The following CTDNEP1 variants were observed in gnomAD, a reference collection of about 807,000 sequenced individuals.
CTDNEP1 encodes the protein C-terminal domain nuclear envelope phosphatase 1.
Under a neutral mutation model 30.1 loss-of-function variants are expected in CTDNEP1, and 3 were observed. That is an observed-to-expected ratio of 0.10 (90% CI 0.05 to 0.26). The LOEUF is 0.26. Ranked by LOEUF, CTDNEP1 falls within the 10% of genes least tolerant of loss-of-function variation. CTDNEP1 has a pLI of 1.00. For synonymous variants in CTDNEP1, 123 were observed against 118.8 expected (o/e 1.04, Z -0.23); for missense variants, 158 against 310.4 (o/e 0.51, Z 3.69).
In CTDNEP1 at chr17:7,246,108, G is replaced by A. The variant is rs778814954; in HGVS notation, c.507C>T (p.Ile169=). ...CACTGTGGACCACAGAGAGGTCCTT[G>A]ATGTAGCTGCCCAACTCCAAAGTGC... ...QHCTLELGSY[I]KDLSVVHSDL... is the part of the protein sequence containing the mutation. Residue 169 remains isoleucine (I), a synonymous_variant, in exon 6 of 8, where the codon ATC becomes ATT. Transcript: ENST00000574322. The surrounding 1 kb of genome is among the most constrained non-coding windows in gnomAD (Gnocchi z 4.9). The A allele has an allele frequency of 1.2e-6, 2 of 1,614,006 alleles. No homozygotes were observed. Among genetic ancestry groups the A allele is most frequent in the Non-Finnish European group, 1.7e-6 (2 of 1,179,926 alleles).
chr17:7,248,493 G>A (rs970502096), intron 1 of CTDNEP1, among the ~76,000 whole-genome samples: 3 of 150,630 alleles, frequency 2.0e-5, no homozygotes, highest in African/African-American at 7.3e-5. Context: ...CTAAGCAGCT[G>A]GGACTATAGG....
rs759009701 is a variant in CTDNEP1, at chr17:7,244,223, C to T, written c.697G>A (p.Val233Met). Residue 233 changes from valine (V) to methionine (M), a missense_variant, in exon 8 of 8, where the codon GTG becomes ATG. Val to Met is a conservative substitution (Grantham distance 21, BLOSUM62 1). Around this residue, in one of 2 missense-constraint regions of CTDNEP1, gnomAD observed 96 missense variants for 229.1 expected, o/e 0.42. Transcript: ENST00000574322. The stretch of plus-strand genomic sequence containing the variant: ...TGTTGGTGAAGGTTTCGGCTCAGCA[C>T]GGAACGAACATCAGCGGTGAACCTG... The part of the protein sequence containing the change: ...ALRFTADVRS[V>M]LSRNLHQHRL... The T allele has an allele frequency of 2.5e-6, 4 of 1,613,966 alleles. No homozygotes were observed. The African/African-American group carries it at 4.0e-5, about 16-fold the overall frequency.
In CTDNEP1 at chr17:7,246,272, C is replaced by T. The variant is rs764896543; in HGVS notation, c.459G>A (p.Lys153=). ...AGCTTACCTGTCTGTAATATCTCCT[C>T]TTAAGAATGCTTCTGCTATTGTCCA... ...DKLDNSRSIL[K]RRYYRQHCTL... The change falls in exon 5 of 8, where the codon AAG becomes AAA. Residue 153 remains lysine, a synonymous_variant. Coordinates refer to ENST00000574322, the MANE Select transcript of CTDNEP1 (RefSeq NM_001143775.2). The surrounding 1 kb of genome is among the most constrained non-coding windows in gnomAD (Gnocchi z 4.9). 1.2e-6 allele frequency: 2 copies of T among 1,613,360 alleles called. No homozygotes were observed. Among genetic ancestry groups the T allele is most frequent in the Non-Finnish European group, 1.7e-6 (2 of 1,179,298 alleles).
Position 7,251,536 on chromosome 17 carries a change from G to A in CTDNEP1, c.-240C>T, listed in dbSNP as rs1207788847. Reference sequence around the variant, plus strand: ...GCGGGGGCCCACATGGGCTGGGAGTGGCACCGACGGCTTCGGGGAGGTTGC... The same window carrying A: ...GCGGGGGCCCACATGGGCTGGGAGTAGCACCGACGGCTTCGGGGAGGTTGC... On this transcript the variant is annotated 5_prime_UTR_variant, in exon 1 of 8. Transcript: ENST00000574322. 4 of 349,386 alleles carry A rather than the reference G, an allele frequency of 1.1e-5. No homozygotes were observed. In the Admixed American group the frequency reaches 1.5e-4, roughly 13 times the overall value. 21.6% of individuals were successfully genotyped at this position (349,386 alleles called of 1,614,324 possible).
intron 1 of CTDNEP1, among the ~76,000 whole-genome samples, chr17:7,248,132 G>A (rs1176833914): frequency 1.3e-5 from 2 of 150,736 alleles, no homozygotes; most frequent in Non-Finnish European, 3.0e-5. Context: ...GTGGTGGTGC[G>A]TGCCCATAGC....
At chr17:7,245,895 T>C in intron 6 of CTDNEP1, 131 bp downstream of exon 6, 1 of 623,476 alleles carries the variant, frequency 1.6e-6, no homozygotes, top group East Asian at 2.7e-5. Flanking sequence ...ATAACTTGCA[T>C]TTCGACTTAC....
rs748735117 is a variant in CTDNEP1, at chr17:7,247,194, T to C, written c.170-12A>G. Reference sequence around the variant, plus strand: ...CCTCTTCACCTGGGCTGAACCAGAGTGGGGAGGAATAATATTGACCGACCT... The same window carrying C: ...CCTCTTCACCTGGGCTGAACCAGAGCGGGGAGGAATAATATTGACCGACCT... On this transcript the variant is annotated splice_polypyrimidine_tract_variant and intron_variant, in intron 2 of 7. Coordinates refer to ENST00000574322, the MANE Select transcript of CTDNEP1 (RefSeq NM_001143775.2). 6 of 1,611,438 alleles carry C rather than the reference T, an allele frequency of 3.7e-6. No individual in the cohort carries two copies. The East Asian group carries it at 1.1e-4, about 30-fold the overall frequency.
intron 6 of CTDNEP1, among the ~76,000 whole-genome samples, chr17:7,245,030 C>T (rs959903678): frequency 6.6e-6 from 1 of 152,156 alleles, no homozygotes; most frequent in Non-Finnish European, 1.5e-5. Context: ...CAGTGGCTTA[C>T]GCCTGTAATC....
Position 7,243,932 on chromosome 17 carries a change from G to A in CTDNEP1, c.*253C>T. 1 of 1,348,050 alleles carries A rather than the reference G, an allele frequency of 7.4e-7. No homozygotes were observed. 83.5% of individuals were successfully genotyped at this position (1,348,050 alleles called of 1,614,324 possible). A position where few individuals can be genotyped will look rare whatever the true frequency, so the allele number is the denominator to read the frequency against. ...ACAAACACTGATTCGGCTCTCCTAGGCTTCCGCCTGTGTCCCAGTCTGGGG... is the reference window on the plus strand; with the variant it reads ...ACAAACACTGATTCGGCTCTCCTAGACTTCCGCCTGTGTCCCAGTCTGGGG... On this transcript the variant is annotated 3_prime_UTR_variant, in exon 8 of 8. Transcript: ENST00000574322.
chr17:7,246,550 T>C lies in CTDNEP1; in HGVS notation c.361-180A>G. The C allele has an allele frequency of 1.6e-6, 1 of 638,672 alleles. No individual in the cohort carries two copies. Among genetic ancestry groups the C allele is most frequent in the Admixed American group, 2.8e-5 (1 of 35,556 alleles). 39.6% of individuals were successfully genotyped at this position (638,672 alleles called of 1,614,324 possible). On this transcript the variant is annotated intron_variant, in intron 4 of 7. Coordinates refer to ENST00000574322, the MANE Select transcript of CTDNEP1 (RefSeq NM_001143775.2). The surrounding 1 kb of genome is among the most constrained non-coding windows in gnomAD (Gnocchi z 4.9). The stretch of plus-strand genomic sequence containing the variant: ...CCTCCAAACTCAGTGTTAGGCATCC[T>C]ACACTCTTATGATTCAGAAATGCAA...
At position 7,251,319 on chromosome 17, in the gene CTDNEP1, G is replaced by A. The variant is rs1293382964; in HGVS notation, c.-23C>T. 1 of 1,475,804 alleles carries A rather than the reference G, an allele frequency of 6.8e-7. No individual in the cohort carries two copies. The highest frequency in any genetic ancestry group is 1.3e-5 in the South Asian group (1 of 74,102). The allele number at this position is 1,475,804 out of a possible 1,614,324, so 91.4% of individuals were successfully genotyped here. A position where few individuals can be genotyped will look rare whatever the true frequency, so the allele number is the denominator to read the frequency against. On this transcript the variant is annotated 5_prime_UTR_variant, in exon 1 of 8. Transcript: ENST00000574322. ...CATCCCGATGACCCCGGCACCGCCG[G>A]CCCCGGGGCCCCCGCGGCCCAGCTC...
chr17:7,250,510 G>A (rs2071901385), intron 1 of CTDNEP1, among the ~76,000 whole-genome samples: 1 of 152,280 alleles, frequency 6.6e-6, no homozygotes, highest in South Asian at 2.1e-4. Context: ...TCCTCTGACA[G>A]GGACACCCAA....
Position 7,246,292 on chromosome 17 carries a change from T to C in CTDNEP1, c.439A>G (p.Asn147Asp), listed in dbSNP as rs1779215345. The stretch of plus-strand genomic sequence containing the variant: ...CTCCTCTTAAGAATGCTTCTGCTAT[T>C]GTCCAGTTTATCTGCCACAGCAGAG... ...YGSAVADKLD[N>D]SRSILKRRYY... is the part of the protein sequence containing the mutation. The change falls in exon 5 of 8, where the codon AAT becomes GAT. Residue 147 changes from asparagine to aspartate, a missense_variant. Around this residue, in one of 2 missense-constraint regions of CTDNEP1, gnomAD observed 96 missense variants for 229.1 expected, o/e 0.42. Transcript: ENST00000574322. The surrounding 1 kb of genome is among the most constrained non-coding windows in gnomAD (Gnocchi z 4.9). 6.2e-7 allele frequency: 1 copy of C among 1,613,714 alleles called. No homozygotes were observed. Among genetic ancestry groups the C allele is most frequent in the Non-Finnish European group, 8.5e-7 (1 of 1,179,726 alleles).
chr17:7,246,426 A>G lies in CTDNEP1; in HGVS notation c.361-56T>C. Reference sequence around the variant, plus strand: ...ATACAAGGTGATGATTCCTTTAGACATACAGTTATCTTTCAGAAAGGCAAT... The same window carrying G: ...ATACAAGGTGATGATTCCTTTAGACGTACAGTTATCTTTCAGAAAGGCAAT... On this transcript the variant is annotated intron_variant, in intron 4 of 7. Coordinates refer to ENST00000574322, the MANE Select transcript of CTDNEP1 (RefSeq NM_001143775.2). The surrounding 1 kb of genome is among the most constrained non-coding windows in gnomAD (Gnocchi z 4.9). 2 of 1,264,664 alleles carry G rather than the reference A, an allele frequency of 1.6e-6. No homozygotes were observed. The highest frequency in any genetic ancestry group is 1.7e-5 in the Admixed American group (1 of 58,728). The allele number at this position is 1,264,664 out of a possible 1,614,324, so 78.3% of individuals were successfully genotyped here. A position where few individuals can be genotyped will look rare whatever the true frequency, so the allele number is the denominator to read the frequency against.
Position 7,244,685 on chromosome 17 carries a change from G to A in CTDNEP1, c.590-50C>T, listed in dbSNP as rs374975795. ...AGAAGAAACAGAATTCAAGAGAGAC[G>A]GTGTTTTTCTCTTCTTGGAGGGAAG... On this transcript the variant is annotated intron_variant, in intron 6 of 7. Transcript: ENST00000574322. 1.9e-5 allele frequency: 26 copies of A among 1,354,278 alleles called. No homozygotes were observed. The African/African-American group carries it at 2.8e-4, about 15-fold the overall frequency. The allele number at this position is 1,354,278 out of a possible 1,614,324, so 83.9% of individuals were successfully genotyped here.
chr17:7,246,181 T>C lies in CTDNEP1; in HGVS notation c.478-44A>G, dbSNP rs1189837624. The C allele has an allele frequency of 1.3e-6, 2 of 1,588,384 alleles. No individual in the cohort carries two copies. Among genetic ancestry groups the C allele is most frequent in the Admixed American group, 1.7e-5 (1 of 59,982 alleles). On this transcript the variant is annotated intron_variant, in intron 5 of 7. Transcript: ENST00000574322. This position sits in a 1 kb window ranked among gnomAD's most constrained non-coding sequence, Gnocchi z 4.9. ...TGTAGCAGGCCTCTCTCCAGGATAC[T>C]CTCCTCAAACCCAGATCCCTCCCTG... is the stretch of plus-strand genomic sequence containing the variant.
At position 7,246,081 on chromosome 17, in the gene CTDNEP1, G is replaced by A. The variant is rs757012003; in HGVS notation, c.534C>T (p.Asp178=). 1.2e-5 allele frequency: 19 copies of A among 1,614,068 alleles called. No individual in the cohort carries two copies. Among genetic ancestry groups the A allele is most frequent in the Non-Finnish European group, 1.5e-5 (18 of 1,180,000 alleles). Residue 178 remains aspartate (D), a synonymous_variant, in exon 6 of 8, where the codon GAC becomes GAT. Transcript: ENST00000574322. The surrounding 1 kb of genome is among the most constrained non-coding windows in gnomAD (Gnocchi z 4.9). The part of the protein sequence containing the change: ...YIKDLSVVHS[D]LSSIVILDNS... The stretch of plus-strand genomic sequence containing the variant: ...TATCCAGGATCACAATGCTGGAGAG[G>A]TCACTGTGGACCACAGAGAGGTCCT...
At chr17:7,244,696 C>T in intron 6 of CTDNEP1, 61 bp from the exon 7 acceptor site, 1 of 1,276,140 alleles carries the variant, frequency 7.8e-7, no homozygotes, top group Non-Finnish European at 1.1e-6. Context: ...GTGTTTTTCT[C>T]TTCTTGGAGG....
chr17:7,248,808 C>G (rs182349663), intron 1 of CTDNEP1, among the ~76,000 whole-genome samples: 1 of 152,122 alleles, frequency 6.6e-6, no homozygotes, highest in Non-Finnish European at 1.5e-5. Flanking sequence ...GAGTAGGAGT[C>G]GGGAGGAGAT....
Sources: allele counts gnomAD v4.1 joint callset (sites outside exome capture counted in the v4.1 genomes callset), GRCh38; gene constraint gnomAD v4.1.1; regional missense constraint gnomAD v4.1.1; non-coding constraint Gnocchi (gnomAD v3.1); transcripts MANE v1.5; gene names NCBI Gene and HGNC (gene_info 2026-07-23, HGNC 2026-07-21).